TMEM163: variants seen among roughly 807,000 people sequenced by gnomAD.
The protein encoded by TMEM163 is transmembrane protein 163.
A neutral mutation model predicts 29.3 loss-of-function variants in TMEM163; 17 were observed. The observed-to-expected ratio is 0.58, with a 90% confidence interval of 0.40 to 0.87. The LOEUF (loss-of-function observed/expected upper bound fraction) is 0.87, where lower values mean the gene tolerates loss of function less well. Ranked by LOEUF, TMEM163 falls within the 40% of genes least tolerant of loss-of-function variation. The probability of loss-of-function intolerance (pLI) is 0.00; values close to 1 mark genes in which losing one functional copy is unlikely to be tolerated. For synonymous variants in TMEM163, 157 were observed against 160.6 expected, an observed-to-expected ratio of 0.98 and a Z score of 0.17; for missense variants, 303 against 381.5, an observed-to-expected ratio of 0.79 and a Z score of 1.71.
chr2:134,518,113 A>T (rs1357876372), intron 4 of TMEM163, among the ~76,000 whole-genome samples: 2 of 152,240 alleles, frequency 1.3e-5, no homozygotes, highest in African/African-American at 4.8e-5. Context: ...AATGTTATTC[A>T]TCCATTGCAT....
chr2:134,537,597 T>C (rs1680568638), intron 4 of TMEM163, among the ~76,000 whole-genome samples: 1 of 152,196 alleles, frequency 6.6e-6, no homozygotes, highest in South Asian at 2.1e-4. Flanking sequence ...AGGGAAGACA[T>C]AAACACCCAG....
chr2:134,554,022 T>A (rs993091458), intron 2 of TMEM163, among the ~76,000 whole-genome samples: 1 of 152,228 alleles, frequency 6.6e-6, no homozygotes, highest in African/African-American at 2.4e-5. Flanking sequence ...CTTTACAACC[T>A]GTTTTTAGAA....
intron 2 of TMEM163, among the ~76,000 whole-genome samples, chr2:134,606,752 G>C (rs1175572147): frequency 4.6e-5 from 7 of 152,202 alleles, no homozygotes. Context: ...CATCAGGAAA[G>C]GGTGGCCACA....
chr2:134,707,085 G>A (rs181487254), intron 2 of TMEM163, among the ~76,000 whole-genome samples: 12 of 152,280 alleles, frequency 7.9e-5, no homozygotes, highest in Non-Finnish European at 7.4e-5. Context: ...TCAGAACACC[G>A]CCAGGATGTG....
At chr2:134,512,542 A>G (rs924592352) in intron 4 of TMEM163, among the ~76,000 whole-genome samples, 1 of 152,212 alleles carries the variant, frequency 6.6e-6, no homozygotes, top group Non-Finnish European at 1.5e-5. Context: ...AGAGGAGTGA[A>G]AAGTATGTTC....
chr2:134,718,201 C>T (rs558351834), intron 1 of TMEM163, among the ~76,000 whole-genome samples: 2 of 152,350 alleles, frequency 1.3e-5, no homozygotes, highest in Non-Finnish European at 2.9e-5. Context: ...AGAGGCCGCC[C>T]GAGTCCCGGC....
At chr2:134,529,733 C>G (rs1680379096) in intron 4 of TMEM163, among the ~76,000 whole-genome samples, 1 of 151,650 alleles carries the variant, frequency 6.6e-6, no homozygotes, top group African/African-American at 2.4e-5. Context: ...CTATTGTACT[C>G]TAGCCTAGGC....
At chr2:134,567,376 T>C (rs570815277) in intron 2 of TMEM163, among the ~76,000 whole-genome samples, 2 of 151,338 alleles carry the variant, frequency 1.3e-5, no homozygotes, top group South Asian at 4.1e-4. Flanking sequence ...AAATAGATCC[T>C]GATTTGCCAA....
At chr2:134,663,555 C>T (rs1188862591) in intron 2 of TMEM163, among the ~76,000 whole-genome samples, 1 of 152,246 alleles carries the variant, frequency 6.6e-6, no homozygotes, top group African/African-American at 2.4e-5. Flanking sequence ...GTGTGCACCA[C>T]AGGTCCCTTT....
At position 134,573,957 on chromosome 2, in the gene TMEM163, C is replaced by T. The variant is rs140801850; in HGVS notation, c.323-21866G>A. 1.5e-3 allele frequency among the ~76,000 whole-genome samples: 223 copies of T among 152,292 alleles called. 2 individuals are homozygous for T. The highest frequency in any genetic ancestry group is 5.2e-3 in the African/African-American group (216 of 41,564). On this transcript the variant is annotated intron_variant, in intron 2 of 7. Transcript: ENST00000281924. ...AGGGACCCACAGAACACAGCTTGCC[C>T]AGACAGCCATCAGCTATTATGTGGC...
At chr2:134,659,287 T>C (rs6758396) in intron 2 of TMEM163, among the ~76,000 whole-genome samples, 95,211 of 152,048 alleles carry the variant, frequency 0.63, 30,775 homozygotes, top group African/African-American at 0.72. Context: ...ATGTATGCAG[T>C]GGACCCAAAC....
intron 2 of TMEM163, among the ~76,000 whole-genome samples, chr2:134,561,090 T>C (rs1681161988): frequency 6.6e-6 from 1 of 152,290 alleles, no homozygotes; most frequent in Admixed American, 6.5e-5. Flanking sequence ...TGAGCATTTA[T>C]GGGCCGTCTC....
intron 4 of TMEM163, among the ~76,000 whole-genome samples, chr2:134,516,183 C>T (rs1363893886): frequency 6.6e-6 from 1 of 152,082 alleles, no homozygotes; most frequent in African/African-American, 2.4e-5. Flanking sequence ...CCACTTCCCT[C>T]CCAAAACTGT....
intron 4 of TMEM163, among the ~76,000 whole-genome samples, chr2:134,536,781 A>T (rs1680550472): frequency 6.6e-6 from 1 of 152,208 alleles, no homozygotes; most frequent in African/African-American, 2.4e-5. Context: ...AGATTAGAAA[A>T]GGAACTATAC....
In TMEM163 at chr2:134,460,014, T is replaced by C. The variant is rs1686497835; in HGVS notation, c.668-1841A>G. Among the ~76,000 whole-genome samples the C allele has an allele frequency of 6.6e-6, 1 of 151,872 alleles. No homozygotes were observed. Among genetic ancestry groups the C allele is most frequent in the South Asian group, 2.1e-4 (1 of 4,822 alleles). On this transcript the variant is annotated intron_variant, in intron 6 of 7. Transcript: ENST00000281924. The surrounding 1 kb of genome is among the most constrained non-coding windows in gnomAD (Gnocchi z 4.3). ...GGGCCACCAGCTGCAGAGGCCAAGA[T>C]TCTAGGAGCCCATCTTCCCTTACAC...
At chr2:134,586,033 C>G (rs1215804862) in intron 2 of TMEM163, among the ~76,000 whole-genome samples, 6 of 152,072 alleles carry the variant, frequency 3.9e-5, no homozygotes, top group African/African-American at 1.5e-4. Flanking sequence ...GCAAGCAAGG[C>G]TCTAAGGACC....
chr2:134,558,205 G>T (rs1681090352), intron 2 of TMEM163, among the ~76,000 whole-genome samples: 3 of 152,268 alleles, frequency 2.0e-5, no homozygotes, highest in Admixed American at 1.3e-4. Flanking sequence ...CTACATCAGT[G>T]GTTTGTTAAT....
At chr2:134,688,160 A>G (rs1422975800) in intron 2 of TMEM163, among the ~76,000 whole-genome samples, 2 of 151,468 alleles carry the variant, frequency 1.3e-5, no homozygotes, top group African/African-American at 2.4e-5. Flanking sequence ...CTCAAAAGAC[A>G]CTCCTGCCAG....
At chr2:134,647,407 C>T (rs60200589) in intron 2 of TMEM163, among the ~76,000 whole-genome samples, 1 of 152,124 alleles carries the variant, frequency 6.6e-6, no homozygotes, top group African/African-American at 2.4e-5. Flanking sequence ...AAGCAAATGG[C>T]CTTGGAATGT....
Sources: allele counts gnomAD v4.1 joint callset (sites outside exome capture counted in the v4.1 genomes callset), GRCh38; gene constraint gnomAD v4.1.1; non-coding constraint Gnocchi (gnomAD v3.1); transcripts MANE v1.5; gene names NCBI Gene and HGNC (gene_info 2026-07-23, HGNC 2026-07-21).